The following LRRC71 variants were observed in gnomAD, a reference collection of about 807,000 sequenced individuals.
LRRC71 encodes the protein leucine-rich repeat-containing protein 71.
Under a neutral mutation model 66.6 loss-of-function variants are expected in LRRC71, and 54 were observed. The observed-to-expected ratio is 0.81, with a 90% CI of 0.65 to 1.02. The LOEUF (loss-of-function observed/expected upper bound fraction) is 1.02, where lower values mean the gene tolerates loss of function less well. LRRC71 is among the 50% of genes least tolerant of loss of function. The pLI, the probability that LRRC71 is intolerant of heterozygous loss-of-function variation, is 0.00. For missense variants in LRRC71, 724 were observed against 718.0 expected (o/e 1.01, Z -0.10); for synonymous variants, 323 against 303.9 (o/e 1.06, Z -0.65).
Position 156,927,589 on chromosome 1 carries a change from G to T in LRRC71, c.756G>T (p.Arg252=), listed in dbSNP as rs867222244. The change falls in exon 7 of 15, where the codon CGG becomes CGT. Residue 252 remains arginine (R), a synonymous_variant. Transcript: ENST00000337428. ...QALSTLHSCN[R]TLVSLNLGFN... ...TGTCCACGCTGCACAGCTGCAACCG[G>T]ACCCTCGTCTCGCTCAACCTGGGTT... 6.3e-7 allele frequency: 1 copy of T among 1,599,004 alleles called. No individual in the cohort carries two copies.
intron 5 of LRRC71, 28 bp downstream of exon 5, chr1:156,925,043 C>T (rs1462899367): frequency 1.3e-6 from 2 of 1,550,014 alleles, no homozygotes; most frequent in Non-Finnish European, 1.7e-6. Flanking sequence ...CCCCCTGTGC[C>T]TGGGAAGCCT....
chr1:156,929,836 A>C, intron 11 of LRRC71, 107 bp downstream of exon 11: 6 of 865,694 alleles, frequency 6.9e-6, no homozygotes, highest in Non-Finnish European at 5.3e-6. Context: ...CCTGGAGCTC[A>C]TCTCGCCATG....
Position 156,924,924 on chromosome 1 carries a change from C to A in LRRC71, c.516-14C>A. On this transcript the variant is annotated splice_polypyrimidine_tract_variant and intron_variant, in intron 4 of 14. Coordinates refer to ENST00000337428, the MANE Select transcript of LRRC71 (RefSeq NM_144702.3). Reference sequence around the variant, plus strand: ...GCTCTAGCTCTGTGTTTCTGCACTTCCCGCCCACGACAGCTTGTGGAAGGT... The same window carrying A: ...GCTCTAGCTCTGTGTTTCTGCACTTACCGCCCACGACAGCTTGTGGAAGGT... The A allele has an allele frequency of 6.4e-7, 1 of 1,551,684 alleles. No homozygotes were observed. Among genetic ancestry groups the A allele is most frequent in the Admixed American group, 2.0e-5 (1 of 51,004 alleles).
chr1:156,930,044 C>CTTTT (rs1553189668), intron 11 of LRRC71, among the ~76,000 whole-genome samples: 21,042 of 127,582 alleles, frequency 0.16, 2,324 homozygotes, highest in East Asian at 0.46. Flanking sequence ...TTCTTTCTTT[C>CTTTT]TCTTTCTTTC....
intron 11 of LRRC71, among the ~76,000 whole-genome samples, chr1:156,930,274 G>A (rs1388418967): frequency 6.6e-6 from 1 of 151,602 alleles, no homozygotes; most frequent in Non-Finnish European, 1.5e-5. Context: ...TGTATTTTTA[G>A]TAGAGATGGG....
chr1:156,924,366 G>A, intron 2 of LRRC71, 58 bp from the exon 3 acceptor site: 2 of 1,523,718 alleles, frequency 1.3e-6, no homozygotes, highest in South Asian at 1.2e-5. Flanking sequence ...CCGTGGGCCG[G>A]CCCGGCGTGG....
chr1:156,922,079 A>G (rs1652479018), intron 1 of LRRC71, among the ~76,000 whole-genome samples: 1 of 152,072 alleles, frequency 6.6e-6, no homozygotes, highest in Admixed American at 6.6e-5. Flanking sequence ...GAGGAGCTCT[A>G]AGGGGTGATG....
At chr1:156,931,872 C>T in intron 12 of LRRC71, 44 bp from the exon 13 acceptor site, 1 of 1,447,458 alleles carries the variant, frequency 6.9e-7, no homozygotes, top group African/African-American at 1.4e-5. Context: ...GCCTGTTGAC[C>T]AGCTCCCCTG....
At chr1:156,934,788 C>T (rs974536244), downstream of LRRC71, 7 of 151,606 alleles carry the variant, frequency 4.6e-5, no homozygotes, top group African/African-American at 1.7e-4. Context: ...TTACAGGGAA[C>T]AAACACCGTA....
chr1:156,920,743 G>A lies in LRRC71; in HGVS notation c.-61G>A. The A allele has an allele frequency of 7.0e-7, 1 of 1,434,560 alleles. No homozygotes were observed. The highest frequency in any genetic ancestry group is 1.5e-5 in the South Asian group (1 of 64,606). 88.9% of individuals were successfully genotyped at this position (1,434,560 alleles called of 1,614,324 possible). ...AGCCACCCCCAGACTGAGCCCCGTA[G>A]AGTGCGTTCTTACCTTCCTGCCCCG... On this transcript the variant is annotated 5_prime_UTR_variant, in exon 1 of 15. Coordinates refer to ENST00000337428, the MANE Select transcript of LRRC71 (RefSeq NM_144702.3). The surrounding 1 kb of genome is among the most constrained non-coding windows in gnomAD (Gnocchi z 4.9).
chr1:156,930,684 T>C, intron 12 of LRRC71, 67 bp downstream of exon 12: 1 of 1,418,952 alleles, frequency 7.0e-7, no homozygotes, highest in Non-Finnish European at 9.7e-7. Flanking sequence ...CTGAGACGTC[T>C]CACCCCAGCC....
At chr1:156,928,450 C>T (rs55715234) in intron 9 of LRRC71, among the ~76,000 whole-genome samples, 60 of 137,034 alleles carry the variant, frequency 4.4e-4, no homozygotes, top group African/African-American at 7.3e-4. Flanking sequence ...CTTCCTCCTC[C>T]TCTTCTTCTC....
downstream of LRRC71, chr1:156,934,910 T>A (rs1654797868): frequency 6.7e-6 from 1 of 149,744 alleles, no homozygotes; most frequent in East Asian, 1.9e-4. Flanking sequence ...GAGTATACAT[T>A]ATCTTAACAG....
Position 156,924,564 on chromosome 1 carries a change from T to TCCCCCCCCCCCC in LRRC71, c.439+18_439+19insCCCCCCCCCCCC. The TCCCCCCCCCCCC allele has an allele frequency of 6.5e-7, 1 of 1,531,822 alleles. No individual in the cohort carries two copies. The highest frequency in any genetic ancestry group is 8.8e-7 in the Non-Finnish European group (1 of 1,131,930). The allele number at this position is 1,531,822 out of a possible 1,614,324, so 94.9% of individuals were successfully genotyped here. A position where few individuals can be genotyped will look rare whatever the true frequency, so the allele number is the denominator to read the frequency against. ...AATCTACATCCGCGGTGAGCCCCGC[T>TCCCCCCCCCCCC]CCCCCCACCCGCCCCAGCTCCCTCC... On this transcript the variant is annotated intron_variant, in intron 3 of 14. Coordinates refer to ENST00000337428, the MANE Select transcript of LRRC71 (RefSeq NM_144702.3).
intron 1 of LRRC71, among the ~76,000 whole-genome samples, chr1:156,923,730 T>C (rs1271500150): frequency 1.3e-5 from 2 of 152,238 alleles, no homozygotes; most frequent in African/African-American, 4.8e-5. Flanking sequence ...GGGGACCCCG[T>C]TGTCTACCGT....
rs1297968444 is a variant in LRRC71, at chr1:156,932,409, T to C, written c.1442-15T>C. On this transcript the variant is annotated splice_polypyrimidine_tract_variant and intron_variant, in intron 13 of 14. Coordinates refer to ENST00000337428, the MANE Select transcript of LRRC71 (RefSeq NM_144702.3). ...CTGTGGTGCTAAGAGGCCACCTGTC[T>C]GTAACTTCCACCAGGGAACCGCATC... 1.2e-6 allele frequency: 2 copies of C among 1,609,210 alleles called. No individual in the cohort carries two copies. Among genetic ancestry groups the C allele is most frequent in the South Asian group, 1.1e-5 (1 of 90,816 alleles).
chr1:156,930,046 C>CTT (rs1553189677), intron 11 of LRRC71, among the ~76,000 whole-genome samples: 1 of 125,220 alleles, frequency 8.0e-6, no homozygotes, highest in African/African-American at 3.4e-5. Context: ...CTTTCTTTCT[C>CTT]TTTCTTTCTT....
downstream of LRRC71, chr1:156,937,079 G>A (rs549601021): frequency 2.7e-4 from 421 of 1,576,044 alleles, 2 homozygotes; most frequent in Non-Finnish European, 3.6e-4. Flanking sequence ...GGTCTGTGCT[G>A]GGCCTTGGGG....
chr1:156,936,526 A>ATATATATATATAT (rs1655356160), downstream of LRRC71, among the ~76,000 whole-genome samples: 9 of 132,356 alleles, frequency 6.8e-5, no homozygotes, highest in East Asian at 2.2e-4. Flanking sequence ...ATATATATAT[A>ATATATATATATAT]AAATTAAAAA....
Sources: gnomAD v4.1 joint callset for allele counts (sites outside exome capture counted in the v4.1 genomes callset) on GRCh38, gnomAD v4.1.1 for gene constraint, Gnocchi (gnomAD v3.1) non-coding constraint, MANE v1.5 for transcripts, NCBI Gene and HGNC (gene_info 2026-07-23, HGNC 2026-07-21) for gene names.